Variants in ANAPC1 observed in about 807,000 individuals in gnomAD.
The protein encoded by ANAPC1 is anaphase-promoting complex subunit 1.
A neutral mutation model predicts 208.0 loss-of-function variants in ANAPC1; 36 were observed. The observed-to-expected ratio is 0.17, with a 90% confidence interval of 0.13 to 0.23. The LOEUF (loss-of-function observed/expected upper bound fraction) is 0.23. ANAPC1 is among the 10% of genes least tolerant of loss of function. ANAPC1 has a pLI of 1.00. For missense variants in ANAPC1, 942 were observed against 2,011.6 expected (o/e 0.47, Z 10.17); for synonymous variants, 378 against 695.2 (o/e 0.54, Z 7.18).
chr2:111,857,908 C>T (rs1681823978), intron 11 of ANAPC1, among the ~76,000 whole-genome samples: 1 of 151,968 alleles, frequency 6.6e-6, no homozygotes, highest in Admixed American at 6.6e-5. Context: ...AATGGTGGAT[C>T]CTAAAAACAT....
chr2:111,877,910 G>A (rs192627644), intron 3 of ANAPC1, among the ~76,000 whole-genome samples: 3 of 152,114 alleles, frequency 2.0e-5, no homozygotes, highest in South Asian at 4.2e-4. Flanking sequence ...CTATAAATAG[G>A]AAGTTAGGTC....
intron 10 of ANAPC1, among the ~76,000 whole-genome samples, chr2:111,858,934 G>A (rs1340449024): frequency 1.3e-5 from 2 of 151,966 alleles, no homozygotes. Flanking sequence ...GCTTTGTTGG[G>A]GAAAGCTACA....
chr2:111,790,337 TGAA>T (rs1190796327), intron 38 of ANAPC1, among the ~76,000 whole-genome samples: 1 of 152,104 alleles, frequency 6.6e-6, no homozygotes, highest in African/African-American at 2.4e-5. Flanking sequence ...AACACACTTT[TGAA>T]GAAGAAAACC....
chr2:111,882,586 A>AC, intron 1 of ANAPC1, among the ~76,000 whole-genome samples: 1 of 151,790 alleles, frequency 6.6e-6, no homozygotes, highest in African/African-American at 2.4e-5. Flanking sequence ...AAAAAAAAAA[A>AC]AATTACTCAG....
At chr2:111,846,820 TC>T (rs2104509440) in intron 16 of ANAPC1, among the ~76,000 whole-genome samples, 1 of 152,110 alleles carries the variant, frequency 6.6e-6, no homozygotes, top group South Asian at 2.1e-4. Flanking sequence ...TCCACCCGCC[TC>T]AGTCTCACAA....
Position 111,873,285 on chromosome 2 carries a change from C to G in ANAPC1, c.528+23G>C, listed in dbSNP as rs1553437215. The G allele has an allele frequency of 2.9e-5, 46 of 1,578,106 alleles. 2 individuals are homozygous for G. In the South Asian group the frequency reaches 4.9e-4, roughly 17 times the overall value. On this transcript the variant is annotated intron_variant, in intron 5 of 47. Transcript: ENST00000341068. ...AAAATGTTCTCCAACAAAACCCCCC[C>G]AAAATTTGAAACACTTGTTTACCTG...
At chr2:111,829,404 G>T (rs1275395870) in intron 21 of ANAPC1, among the ~76,000 whole-genome samples, 1 of 152,038 alleles carries the variant, frequency 6.6e-6, no homozygotes, top group Admixed American at 6.6e-5. Flanking sequence ...GAAGGGCAGG[G>T]GGCAAAGACA....
At chr2:111,869,249 A>ATTT (rs1166187502) in intron 6 of ANAPC1, among the ~76,000 whole-genome samples, 1 of 142,528 alleles carries the variant, frequency 7.0e-6, no homozygotes, top group African/African-American at 2.5e-5. Flanking sequence ...GAATCTTGTT[A>ATTT]TTTATTTTTT....
Position 111,856,807 on chromosome 2 carries a change from C to A in ANAPC1, c.1438G>T (p.Ala480Ser). The A allele has an allele frequency of 6.4e-7, 1 of 1,570,774 alleles. No homozygotes were observed. Among genetic ancestry groups the A allele is most frequent in the Non-Finnish European group, 8.7e-7 (1 of 1,146,074 alleles). ...SVTNIPAKDA[A>S]PVEKIDTMLV... ...TGTGCCTACATTACCTCCACTGGTGCTGCATCCTTTGCTGGTATGTTGGTC... is the reference window on the plus strand; with the variant it reads ...TGTGCCTACATTACCTCCACTGGTGATGCATCCTTTGCTGGTATGTTGGTC... The change falls in exon 12 of 48, where the codon GCA becomes TCA. Residue 480 changes from alanine to serine, a missense_variant. Coordinates refer to ENST00000341068, the MANE Select transcript of ANAPC1 (RefSeq NM_022662.4).
At chr2:111,866,839 C>T (rs933341227) in intron 7 of ANAPC1, among the ~76,000 whole-genome samples, 1 of 149,714 alleles carries the variant, frequency 6.7e-6, no homozygotes, top group Admixed American at 6.6e-5. Flanking sequence ...CATTTAATCC[C>T]AGGCTCTAGT....
rs1227418632 is a variant in ANAPC1 at position 111,794,734 on chromosome 2, G to A, written c.4373+84C>T. 3 of 1,156,546 alleles carry A rather than the reference G, an allele frequency of 2.6e-6. No homozygotes were observed. In the East Asian group the frequency reaches 7.5e-5, roughly 29 times the overall value. The allele number at this position is 1,156,546 out of a possible 1,614,324, so 71.6% of individuals were successfully genotyped here. A position where few individuals can be genotyped will look rare whatever the true frequency, so the allele number is the denominator to read the frequency against. ...GGGATTCATAATTACTTAAATCAAG[G>A]ACAATATTACTCCCACATGGTATAT... On this transcript the variant is annotated intron_variant, in intron 35 of 47. Coordinates refer to ENST00000341068, the MANE Select transcript of ANAPC1 (RefSeq NM_022662.4).
chr2:111,855,964 G>A (rs553393615), intron 13 of ANAPC1, among the ~76,000 whole-genome samples: 68 of 152,232 alleles, frequency 4.5e-4, no homozygotes, highest in Non-Finnish European at 8.8e-4. Flanking sequence ...GGCTGGGCGC[G>A]GTGGCTCACG....
chr2:111,875,100 T>C (rs1420277189), intron 3 of ANAPC1, among the ~76,000 whole-genome samples: 1 of 152,250 alleles, frequency 6.6e-6, no homozygotes, highest in Non-Finnish European at 1.5e-5. Context: ...TTGTTATGTT[T>C]CTTTAATAAC....
chr2:111,832,197 G>C (rs1198542129), intron 20 of ANAPC1, among the ~76,000 whole-genome samples: 1 of 151,624 alleles, frequency 6.6e-6, no homozygotes, highest in African/African-American at 2.4e-5. Context: ...CAGGCACTTG[G>C]GAGGCTGAGG....
At chr2:111,807,593 G>C (rs1049903161) in intron 29 of ANAPC1, among the ~76,000 whole-genome samples, 2 of 151,818 alleles carry the variant, frequency 1.3e-5, no homozygotes, top group African/African-American at 4.8e-5. Flanking sequence ...TCGGGAGGCT[G>C]AGGCAGGAGA....
At chr2:111,876,523 T>G (rs1305974188) in intron 3 of ANAPC1, among the ~76,000 whole-genome samples, 1 of 152,178 alleles carries the variant, frequency 6.6e-6, no homozygotes, top group Non-Finnish European at 1.5e-5. Flanking sequence ...AGGCAACTGT[T>G]CTTGGAGAAA....
chr2:111,831,826 CAAA>C (rs34008628), intron 20 of ANAPC1, among the ~76,000 whole-genome samples: 1 of 29,038 alleles, frequency 3.4e-5, no homozygotes, highest in Non-Finnish European at 5.5e-5. Flanking sequence ...GACTCTGTCT[CAAA>C]AAAAAAAAAA....
rs1472167967 is a variant in ANAPC1 at position 111,844,588 on chromosome 2, C to T, written c.1853-989G>A. Among the ~76,000 whole-genome samples, 11 of 146,090 alleles carry T rather than the reference C, an allele frequency of 7.5e-5. No individual in the cohort carries two copies. The East Asian group carries it at 2.0e-3, about 26-fold the overall frequency. ...CTGTCTCAAAAAAAAAAAAAAAAGT[C>T]ACTATGAAAAACATACAACTTCTAT... On this transcript the variant is annotated intron_variant, in intron 16 of 47. Coordinates refer to ENST00000341068, the MANE Select transcript of ANAPC1 (RefSeq NM_022662.4).
At chr2:111,844,958 G>C (rs946607349) in intron 16 of ANAPC1, among the ~76,000 whole-genome samples, 2 of 152,180 alleles carry the variant, frequency 1.3e-5, no homozygotes, top group Non-Finnish European at 2.9e-5. Context: ...TGGTCCACCA[G>C]CTCAAGCTTC....
Sources: allele counts gnomAD v4.1 joint callset (sites outside exome capture counted in the v4.1 genomes callset), GRCh38; gene constraint gnomAD v4.1.1; transcripts MANE v1.5; gene names NCBI Gene and HGNC (gene_info 2026-07-23, HGNC 2026-07-21).